Variants in RASA3 observed in about 807,000 individuals in gnomAD.
RASA3 encodes ras GTPase-activating protein 3.
A neutral mutation model predicts 110.0 loss-of-function variants in RASA3; 73 were observed. That is an observed-to-expected ratio of 0.66 (90% confidence interval 0.55 to 0.81). The LOEUF is 0.81. Among genes scored for constraint, RASA3 ranks in the 30% least tolerant of loss-of-function variants. The pLI, the probability that RASA3 is intolerant of heterozygous loss-of-function variation, is 0.00. For missense variants in RASA3, 976 were observed against 1,113.2 expected, an observed-to-expected ratio of 0.88 and a Z score of 1.75; for synonymous variants, 500 against 451.4, an observed-to-expected ratio of 1.11 and a Z score of -1.37.
chr13:114,127,128 G>C (rs902443619), intron 1 of RASA3, among the ~76,000 whole-genome samples: 1 of 152,238 alleles, frequency 6.6e-6, no homozygotes, highest in East Asian at 1.9e-4. Context: ...CGGTGCCACA[G>C]CCTCAGGGAG....
intron 23 of RASA3, among the ~76,000 whole-genome samples, chr13:113,981,190 C>T (rs1033945124): frequency 3.3e-5 from 5 of 152,188 alleles, no homozygotes; most frequent in East Asian, 1.9e-4. Context: ...CTTAGCTAAG[C>T]GCCACCTAGC....
intron 4 of RASA3, chr13:114,036,183 C>T (rs1027553345): frequency 6.7e-6 from 1 of 150,112 alleles, no homozygotes; most frequent in African/African-American, 2.5e-5. Flanking sequence ...GCATCTCCCC[C>T]ACTGGCATCT....
chr13:114,025,077 G>T (rs575433989), intron 7 of RASA3, among the ~76,000 whole-genome samples: 2 of 152,056 alleles, frequency 1.3e-5, no homozygotes, highest in East Asian at 1.9e-4. Flanking sequence ...CGTGCACCAG[G>T]TCACCTGCGT....
chr13:114,007,632 C>T (rs778839383), intron 17 of RASA3, 26 bp from the exon 18 acceptor site: 35 of 1,578,216 alleles, frequency 2.2e-5, no homozygotes, highest in South Asian at 8.9e-5. Flanking sequence ...ATCAGGTCAC[C>T]GGGAGGAAGC....
chr13:114,107,357 G>C (rs762723054), intron 1 of RASA3, among the ~76,000 whole-genome samples: 4 of 151,730 alleles, frequency 2.6e-5, no homozygotes, highest in African/African-American at 9.7e-5. Flanking sequence ...CGCGGGGGAC[G>C]GGCCTGTGTG....
chr13:114,111,916 C>A (rs2080225232), intron 1 of RASA3, among the ~76,000 whole-genome samples: 1 of 152,204 alleles, frequency 6.6e-6, no homozygotes, highest in Non-Finnish European at 1.5e-5. Context: ...GGCCCATCAA[C>A]TTAAAATAGC....
intron 2 of RASA3, among the ~76,000 whole-genome samples, chr13:114,055,804 G>A (rs1339331134): frequency 6.6e-6 from 1 of 151,180 alleles, no homozygotes; most frequent in Non-Finnish European, 1.5e-5. Context: ...AGAGTGGCAG[G>A]TGCCCAGGCT....
rs367985138 is a variant in RASA3, at chr13:114,050,031, G to A, written c.277+2021C>T. On this transcript the variant is annotated intron_variant, in intron 3 of 23. Coordinates refer to ENST00000334062, the MANE Select transcript of RASA3 (RefSeq NM_007368.4). ...GTGCCTCAGGAGTGGGGTGCACAGCGGCTGAGCCCGGAGGCAGGAGGGAGA... is the reference window on the plus strand; with the variant it reads ...GTGCCTCAGGAGTGGGGTGCACAGCAGCTGAGCCCGGAGGCAGGAGGGAGA... Among the ~76,000 whole-genome samples, 183 of 152,348 alleles carry A rather than the reference G, an allele frequency of 1.2e-3. 5 individuals carry two copies. In the South Asian group the frequency reaches 0.037, roughly 31 times the overall value.
At chr13:114,122,967 C>T (rs1424995506) in intron 1 of RASA3, among the ~76,000 whole-genome samples, 4 of 152,232 alleles carry the variant, frequency 2.6e-5, no homozygotes, top group African/African-American at 7.2e-5. Context: ...GGAAGCGATT[C>T]CACGAGCCAC....
In RASA3 at chr13:114,057,269, A is replaced by T. The variant is rs1238727454; in HGVS notation, c.174-5114T>A. ...CGGGTCACCTCAAGTCTTTCAGGAA[A>T]CCAGGCAGGACATCTGCAGGCGGCC... is the stretch of plus-strand genomic sequence containing the variant. On this transcript the variant is annotated intron_variant, in intron 2 of 23. Transcript: ENST00000334062. The surrounding 1 kb of genome is among the most constrained non-coding windows in gnomAD (Gnocchi z 5.0). The T allele has an allele frequency of 1.6e-5, 16 of 985,248 alleles. No individual in the cohort carries two copies. Among genetic ancestry groups the T allele is most frequent in the Non-Finnish European group, 1.9e-5 (16 of 829,922 alleles). 61.0% of individuals were successfully genotyped at this position (985,248 alleles called of 1,614,324 possible).
intron 15 of RASA3, among the ~76,000 whole-genome samples, chr13:114,012,415 C>G (rs1389934803): frequency 1.3e-5 from 2 of 149,446 alleles, no homozygotes; most frequent in African/African-American, 2.5e-5. Flanking sequence ...TCCACACACA[C>G]TCCCCATTCC....
At chr13:114,069,116 C>T (rs2079508756) in intron 2 of RASA3, among the ~76,000 whole-genome samples, 1 of 152,150 alleles carries the variant, frequency 6.6e-6, no homozygotes, top group Admixed American at 6.5e-5. Context: ...GGGTCGGTGA[C>T]CTCCTTAGTG....
intron 9 of RASA3, among the ~76,000 whole-genome samples, chr13:114,020,787 C>T (rs1025557338): frequency 6.6e-6 from 1 of 152,200 alleles, no homozygotes; most frequent in Non-Finnish European, 1.5e-5. Context: ...GAGGTCTAGA[C>T]GTGCAGAGGG....
At chr13:114,098,343 C>T (rs2079972546) in intron 1 of RASA3, among the ~76,000 whole-genome samples, 1 of 152,186 alleles carries the variant, frequency 6.6e-6, no homozygotes, top group Non-Finnish European at 1.5e-5. Context: ...TGCGGGTCAG[C>T]AGGCGCTAAG....
chr13:114,122,983 C>T (rs1042691180), intron 1 of RASA3, among the ~76,000 whole-genome samples: 7 of 152,250 alleles, frequency 4.6e-5, no homozygotes, highest in Admixed American at 1.3e-4. Context: ...GCCACAAAAG[C>T]GCCTGGGCTG....
chr13:114,037,870 TTC>T (rs2054309101), intron 4 of RASA3, among the ~76,000 whole-genome samples: 1 of 151,694 alleles, frequency 6.6e-6, no homozygotes, highest in South Asian at 2.1e-4. Flanking sequence ...GAGCACAGCC[TTC>T]TGTTTGGGGA....
At chr13:114,067,690 CCT>C (rs1431348262) in intron 2 of RASA3, among the ~76,000 whole-genome samples, 6 of 152,240 alleles carry the variant, frequency 3.9e-5, no homozygotes, top group African/African-American at 9.6e-5. Flanking sequence ...AAGAAACCTC[CCT>C]GTCTTTAACA....
chr13:113,983,926 G>C (rs2052989715), intron 22 of RASA3, among the ~76,000 whole-genome samples: 1 of 122,538 alleles, frequency 8.2e-6, no homozygotes, highest in Non-Finnish European at 1.9e-5. Flanking sequence ...CCATGTATCA[G>C]ATGCAAAATT....
intron 1 of RASA3, among the ~76,000 whole-genome samples, chr13:114,128,220 G>A (rs9562121): frequency 0.97 from 147,158 of 152,386 alleles, 71,284 homozygotes; most frequent in South Asian, 1. Flanking sequence ...AGACAGACAC[G>A]GGGAAAGCCA....
Sources: allele counts gnomAD v4.1 joint callset (sites outside exome capture counted in the v4.1 genomes callset), GRCh38; gene constraint gnomAD v4.1.1; non-coding constraint Gnocchi (gnomAD v3.1); transcripts MANE v1.5; gene names NCBI Gene and HGNC (gene_info 2026-07-23, HGNC 2026-07-21).